Variants in PDE5A observed in about 807,000 individuals in gnomAD.
PDE5A encodes the protein phosphodiesterase 5A, also known as cGMP-specific 3',5'-cyclic phosphodiesterase.
PDE5A carries 67 observed loss-of-function variants against 110.2 expected under a neutral mutation model. That is an observed-to-expected ratio of 0.61 (90% confidence interval 0.50 to 0.75). The LOEUF (loss-of-function observed/expected upper bound fraction) is 0.75. Ranked by LOEUF, PDE5A falls within the 30% of genes least tolerant of loss-of-function variation. The pLI is 0.00. For synonymous variants in PDE5A, 328 were observed against 351.2 expected (o/e 0.93, Z 0.74); for missense variants, 862 against 1,045.1 (o/e 0.82, Z 2.42).
At chr4:119,601,475 A>C (rs1198925533) in intron 2 of PDE5A, among the ~76,000 whole-genome samples, 6 of 149,864 alleles carry the variant, frequency 4.0e-5, no homozygotes, top group African/African-American at 1.5e-4. Flanking sequence ...ACCTTGTCTT[A>C]TGCATCTCTT....
chr4:119,552,514 A>G, intron 9 of PDE5A, 36 bp downstream of exon 9: 1 of 781,838 alleles, frequency 1.3e-6, no homozygotes, highest in Non-Finnish European at 1.9e-6. Context: ...ATTTTTAAAA[A>G]TAAGTTTAGA....
chr4:119,511,059 A>T lies in PDE5A; in HGVS notation c.2076T>A (p.Ile692=). The T allele has an allele frequency of 6.3e-7, 1 of 1,594,044 alleles. No homozygotes were observed. The highest frequency in any genetic ancestry group is 8.6e-7 in the Non-Finnish European group (1 of 1,163,164). The stretch of plus-strand genomic sequence containing the variant: ...ATTAGGTACTTACTGGACTATTAAG[A>T]ATCATCAGGCACTGGTCAAAATGAT... The part of the protein sequence containing the change: ...EHHHFDQCLM[I]LNSPGNQILS... Residue 692 remains isoleucine (I), a synonymous_variant, in exon 15 of 21, where the codon ATT becomes ATA. Transcript: ENST00000354960.
intron 3 of PDE5A, among the ~76,000 whole-genome samples, chr4:119,593,622 T>A (rs1024845626): frequency 1.3e-5 from 2 of 152,168 alleles, no homozygotes; most frequent in African/African-American, 2.4e-5. Context: ...AGGGGAACAT[T>A]TGAAGTGACA....
At chr4:119,590,288 CAT>C (rs1410111899) in intron 3 of PDE5A, among the ~76,000 whole-genome samples, 4 of 152,192 alleles carry the variant, frequency 2.6e-5, no homozygotes, top group South Asian at 2.1e-4. Flanking sequence ...AAATATCACA[CAT>C]GTTTACTGTC....
rs369763633 is a variant in PDE5A at position 119,557,872 on chromosome 4, T to C, written c.1199+2424A>G. On this transcript the variant is annotated intron_variant, in intron 7 of 20. Coordinates refer to ENST00000354960, the MANE Select transcript of PDE5A (RefSeq NM_001083.4). The stretch of plus-strand genomic sequence containing the variant: ...TTTTTAAAGTAGTAGTCTTTACTTA[T>C]TTAATTACACTTATATTTTCTAATA... Among the ~76,000 whole-genome samples, 6 of 152,332 alleles carry C rather than the reference T, an allele frequency of 3.9e-5. No individual in the cohort carries two copies. The East Asian group carries it at 7.7e-4, about 20-fold the overall frequency.
intron 5 of PDE5A, among the ~76,000 whole-genome samples, 168 bp downstream of exon 5, chr4:119,565,153 A>G (rs1727879842): frequency 6.6e-6 from 1 of 152,164 alleles, no homozygotes; most frequent in Non-Finnish European, 1.5e-5. Context: ...AAGATAAACA[A>G]CTAAGCATGG....
intron 14 of PDE5A, among the ~76,000 whole-genome samples, chr4:119,516,861 C>T (rs910614788): frequency 6.6e-6 from 1 of 152,186 alleles, no homozygotes; most frequent in Admixed American, 6.5e-5. Context: ...CCTCGTGATC[C>T]ACCTGTCTCG....
At chr4:119,503,522 A>G (rs1327409439) in intron 18 of PDE5A, among the ~76,000 whole-genome samples, 1 of 152,162 alleles carries the variant, frequency 6.6e-6, no homozygotes, top group Non-Finnish European at 1.5e-5. Flanking sequence ...GGCACAGCGT[A>G]GAAGGCTAAC....
At chr4:119,517,226 ATTGTT>A (rs1289450811) in intron 14 of PDE5A, 1 of 152,046 alleles carries the variant, frequency 6.6e-6, no homozygotes, top group East Asian at 1.9e-4. Context: ...ATCTCTGTGC[ATTGTT>A]TTATTTTTTG....
At chr4:119,507,308 A>G (rs1020901874) in intron 16 of PDE5A, among the ~76,000 whole-genome samples, 2 of 151,898 alleles carry the variant, frequency 1.3e-5, no homozygotes, top group African/African-American at 4.8e-5. Context: ...TGATCTATAT[A>G]ATCTTTGGAC....
intron 11 of PDE5A, among the ~76,000 whole-genome samples, chr4:119,532,938 G>A (rs1042434868): frequency 2.0e-5 from 3 of 152,036 alleles, no homozygotes; most frequent in Non-Finnish European, 4.4e-5. Context: ...TAAAAATTAC[G>A]GAAACTGGAA....
At chr4:119,586,225 T>C (rs1176407759) in intron 3 of PDE5A, among the ~76,000 whole-genome samples, 2 of 152,232 alleles carry the variant, frequency 1.3e-5, no homozygotes, top group African/African-American at 4.8e-5. Flanking sequence ...TTTCACTCCA[T>C]TTCATTACTA....
At chr4:119,600,871 A>G (rs1456408676) in intron 2 of PDE5A, among the ~76,000 whole-genome samples, 1 of 152,182 alleles carries the variant, frequency 6.6e-6, no homozygotes, top group Non-Finnish European at 1.5e-5. Context: ...GTATCTGCCC[A>G]TATGATACTT....
chr4:119,516,706 C>T (rs1725919644), intron 14 of PDE5A, among the ~76,000 whole-genome samples: 1 of 152,204 alleles, frequency 6.6e-6, no homozygotes, highest in South Asian at 2.1e-4. Flanking sequence ...CAACCTCTGC[C>T]TCCTGGGTTC....
chr4:119,525,514 A>G lies in PDE5A; in HGVS notation c.1779+35T>C, dbSNP rs1578743510. ...CTCTTACATACACACACACATACAC[A>G]TAGACTTTTCCAAAGGATGTTGCTG... On this transcript the variant is annotated intron_variant, in intron 12 of 20. Coordinates refer to ENST00000354960, the MANE Select transcript of PDE5A (RefSeq NM_001083.4). The surrounding 1 kb of genome is among the most constrained non-coding windows in gnomAD (Gnocchi z 4.3). The G allele has an allele frequency of 1.2e-6, 2 of 1,604,956 alleles. No individual in the cohort carries two copies. Among genetic ancestry groups the G allele is most frequent in the Non-Finnish European group, 1.7e-6 (2 of 1,173,990 alleles).
chr4:119,608,907 A>G (rs996015416), intron 1 of PDE5A, among the ~76,000 whole-genome samples: 1 of 152,162 alleles, frequency 6.6e-6, no homozygotes, highest in African/African-American at 2.4e-5. Context: ...CACGCCTGTA[A>G]TCCCAGCACT....
At chr4:119,584,748 CT>C (rs1279835169) in intron 3 of PDE5A, among the ~76,000 whole-genome samples, 1 of 152,166 alleles carries the variant, frequency 6.6e-6, no homozygotes, top group Non-Finnish European at 1.5e-5. Flanking sequence ...GTCTACCTGT[CT>C]GACCTCATTT....
intron 3 of PDE5A, among the ~76,000 whole-genome samples, chr4:119,583,040 C>T (rs185277988): frequency 3.9e-5 from 6 of 152,144 alleles, no homozygotes; most frequent in African/African-American, 1.2e-4. Flanking sequence ...TCGGCCTATC[C>T]TTTGATGCTT....
At position 119,498,750 on chromosome 4, in the gene PDE5A, A is replaced by T; in HGVS notation, c.2491-12T>A. ...ACGTGGGTCAGGGCCTAAAGAGAAA[A>T]AAGAAAGCAAACAGCTAGAGAGAAG... On this transcript the variant is annotated splice_polypyrimidine_tract_variant and intron_variant, in intron 20 of 20. Coordinates refer to ENST00000354960, the MANE Select transcript of PDE5A (RefSeq NM_001083.4). The T allele has an allele frequency of 6.2e-7, 1 of 1,613,714 alleles. No individual in the cohort carries two copies. The highest frequency in any genetic ancestry group is 8.5e-7 in the Non-Finnish European group (1 of 1,179,778).
Sources: gnomAD v4.1 joint callset for allele counts (sites outside exome capture counted in the v4.1 genomes callset) on GRCh38, gnomAD v4.1.1 for gene constraint, Gnocchi (gnomAD v3.1) non-coding constraint, MANE v1.5 for transcripts, NCBI Gene and HGNC (gene_info 2026-07-23, HGNC 2026-07-21) for gene names.